Variants in SUCO observed in about 807,000 individuals in gnomAD.
The protein encoded by SUCO is SUN domain-containing ossification factor.
SUCO carries 57 observed loss-of-function variants against 148.1 expected under a neutral mutation model. The ratio of observed to expected loss-of-function variants is 0.38; its 90% confidence interval spans 0.31 to 0.48. SUCO has a LOEUF of 0.48. SUCO is among the 20% of genes least tolerant of loss of function. The pLI, the probability that SUCO is intolerant of heterozygous loss-of-function variation, is 0.96. For synonymous variants in SUCO, 470 were observed against 502.7 expected (o/e 0.93, Z 0.87); for missense variants, 1,331 against 1,468.2 (o/e 0.91, Z 1.53).
intron 1 of SUCO, among the ~76,000 whole-genome samples, chr1:172,547,007 A>C (rs140206061): frequency 6.6e-6 from 1 of 152,284 alleles, no homozygotes; most frequent in East Asian, 1.9e-4. Flanking sequence ...CCCCCTCAAG[A>C]TATAGAATAT....
At chr1:172,585,578 C>CT (rs2149257701) in intron 16 of SUCO, among the ~76,000 whole-genome samples, 2 of 152,176 alleles carry the variant, frequency 1.3e-5, no homozygotes, top group African/African-American at 4.8e-5. Flanking sequence ...TTTAACAACT[C>CT]TTTCAGTATC....
At chr1:172,547,199 C>A (rs1343972166) in intron 1 of SUCO, among the ~76,000 whole-genome samples, 1 of 152,144 alleles carries the variant, frequency 6.6e-6, no homozygotes, top group Non-Finnish European at 1.5e-5. Flanking sequence ...CTGAGATTTA[C>A]CCATTTTGTT....
At chr1:172,543,124 A>T in intron 1 of SUCO, 1 of 517,580 alleles carries the variant, frequency 1.9e-6, no homozygotes, top group Non-Finnish European at 2.5e-6. Context: ...TTTGTCTTAC[A>T]TGCAGCTTTG....
chr1:172,544,653 A>C (rs930786965), intron 1 of SUCO, among the ~76,000 whole-genome samples: 6 of 152,226 alleles, frequency 3.9e-5, no homozygotes, highest in Admixed American at 1.3e-4. Context: ...ATGAGACAGC[A>C]CAGTCTGTGT....
chr1:172,610,198 A>G lies in SUCO; in HGVS notation c.3704A>G (p.Lys1235Arg), dbSNP rs749533136. ...GSLPSLHDII[K>R]GNKEITVGTF... ...TTGCCGAGCCTGCATGACATAATCA[A>G]AGGAAACAAAGAGATCACCGTGGGA... The change falls in exon 24 of 24, where the codon AAA becomes AGA. Residue 1235 changes from lysine to arginine, a missense_variant. This residue lies in a region of SUCO where 334 missense variants were observed against 352.3 expected (regional missense o/e 0.95). Transcript: ENST00000263688. 6.8e-6 allele frequency: 11 copies of G among 1,611,832 alleles called. No individual in the cohort carries two copies. The Admixed American group carries it at 1.7e-4, about 25-fold the overall frequency.
intron 15 of SUCO, among the ~76,000 whole-genome samples, chr1:172,583,197 G>A (rs1025776963): frequency 1.3e-5 from 2 of 151,994 alleles, no homozygotes; most frequent in Non-Finnish European, 2.9e-5. Flanking sequence ...CTTGGTTTAT[G>A]AGGGAATACG....
At chr1:172,581,878 C>G (rs1655905828) in intron 15 of SUCO, among the ~76,000 whole-genome samples, 1 of 152,186 alleles carries the variant, frequency 6.6e-6, no homozygotes, top group Non-Finnish European at 1.5e-5. Flanking sequence ...AGCATCCACA[C>G]TGCATAAACA....
chr1:172,545,905 C>T (rs1473486593), intron 1 of SUCO, among the ~76,000 whole-genome samples: 5 of 151,880 alleles, frequency 3.3e-5, no homozygotes, highest in Admixed American at 6.6e-5. Context: ...TCCGTCCGTC[C>T]GTCCTTCCTT....
chr1:172,536,721 C>G (rs1181208451), intron 1 of SUCO, among the ~76,000 whole-genome samples: 3 of 152,158 alleles, frequency 2.0e-5, no homozygotes, highest in Admixed American at 2.0e-4. Flanking sequence ...ATATGTCTCA[C>G]AGGGCTAAAT....
rs557412098 is a variant in SUCO, at chr1:172,533,299, G to A, written c.-137G>A. 1 of 1,550,394 alleles carries A rather than the reference G, an allele frequency of 6.4e-7. No individual in the cohort carries two copies. Among genetic ancestry groups the A allele is most frequent in the East Asian group, 2.4e-5 (1 of 40,902 alleles). ...CCAGGACGCGAGCCACTGAGGAGCC[G>A]CTCAGCCAGCGCCATAGCCCTTAGG... On this transcript the variant is annotated 5_prime_UTR_variant, in exon 1 of 24. Transcript: ENST00000263688.
In SUCO at chr1:172,610,159, C is replaced by T; in HGVS notation, c.3665C>T (p.Thr1222Ile). 6.2e-7 allele frequency: 1 copy of T among 1,613,600 alleles called. No individual in the cohort carries two copies. The change falls in exon 24 of 24, where the codon ACT (threonine) becomes ATT (isoleucine). Residue 1222 changes from threonine (T) to isoleucine (I), a missense_variant. By Grantham distance (89) the Thr-to-Ile change is moderately conservative. Coordinates refer to ENST00000263688, the MANE Select transcript of SUCO (RefSeq NM_014283.5). ...AAATTGATAAAAACTCTAATACAGA[C>T]TAAGTCGGGATCATTGCCGAGCCTG... Reference protein sequence around the residue: ...QGKLIKTLIQTKSGSLPSLHD... With the variant: ...QGKLIKTLIQIKSGSLPSLHD...
chr1:172,554,250 G>A (rs1472927419), intron 3 of SUCO, among the ~76,000 whole-genome samples: 1 of 152,166 alleles, frequency 6.6e-6, no homozygotes, highest in Non-Finnish European at 1.5e-5. Context: ...AATGATACTT[G>A]TAGCCCTTAC....
intron 13 of SUCO, among the ~76,000 whole-genome samples, 188 bp from the exon 14 acceptor site, chr1:172,578,110 A>G (rs1341874897): frequency 6.6e-6 from 1 of 151,964 alleles, no homozygotes; most frequent in Non-Finnish European, 1.5e-5. Flanking sequence ...AATGCCTTAA[A>G]TAGATTAGTT....
chr1:172,598,025 G>T (rs1657249485), intron 19 of SUCO, among the ~76,000 whole-genome samples: 1 of 152,116 alleles, frequency 6.6e-6, no homozygotes, highest in Non-Finnish European at 1.5e-5. Flanking sequence ...AAATCACAAA[G>T]ATTTTTTCCT....
At chr1:172,537,262 A>C (rs748559528) in intron 1 of SUCO, among the ~76,000 whole-genome samples, 11 of 152,318 alleles carry the variant, frequency 7.2e-5, no homozygotes, top group Middle Eastern at 6.8e-3. Flanking sequence ...AATGCAAGTT[A>C]GATATTTAAG....
At chr1:172,535,611 C>A (rs1387828583) in intron 1 of SUCO, among the ~76,000 whole-genome samples, 1 of 152,172 alleles carries the variant, frequency 6.6e-6, no homozygotes, top group African/African-American at 2.4e-5. Context: ...ACAGAAATGG[C>A]TACCAACAAG....
At position 172,551,564 on chromosome 1, in the gene SUCO, T is replaced by C. The variant is rs1489675000; in HGVS notation, c.115T>C (p.Ser39Pro). 6.2e-7 allele frequency: 1 copy of C among 1,611,750 alleles called. No individual in the cohort carries two copies. Among genetic ancestry groups the C allele is most frequent in the African/African-American group, 1.3e-5 (1 of 74,898 alleles). ...CKESSSASASSYYSQDDNCAL... is the reference protein window; with the variant it reads ...CKESSSASASPYYSQDDNCAL... Reference sequence around the variant, plus strand: ...AGAGAGTTCTTCAGCTTCAGCGTCATCATATTACTCTCAAGATGACAACTG... The same window carrying C: ...AGAGAGTTCTTCAGCTTCAGCGTCACCATATTACTCTCAAGATGACAACTG... The change falls in exon 2 of 24, where the codon TCA becomes CCA. Residue 39 changes from serine to proline, a missense_variant. Ser to Pro is a moderately conservative substitution (Grantham distance 74, BLOSUM62 -1). Coordinates refer to ENST00000263688, the MANE Select transcript of SUCO (RefSeq NM_014283.5).
chr1:172,578,221 T>G (rs1655602935), intron 13 of SUCO, 77 bp from the exon 14 acceptor site: 1 of 1,120,712 alleles, frequency 8.9e-7, no homozygotes, highest in South Asian at 1.3e-5. Flanking sequence ...AAAGTTGATG[T>G]TTGTCATTTA....
intron 1 of SUCO, among the ~76,000 whole-genome samples, chr1:172,537,041 G>T (rs1193631441): frequency 6.6e-6 from 1 of 152,068 alleles, no homozygotes; most frequent in Non-Finnish European, 1.5e-5. Flanking sequence ...ACATCTTTGA[G>T]GGGGGCGCAT....
Sources: gnomAD v4.1 joint callset for allele counts (sites outside exome capture counted in the v4.1 genomes callset) on GRCh38, gnomAD v4.1.1 for gene constraint, gnomAD v4.1.1 regional missense constraint, MANE v1.5 for transcripts, NCBI Gene and HGNC (gene_info 2026-07-23, HGNC 2026-07-21) for gene names.